Variants in NELL2 observed in about 807,000 individuals in gnomAD.
NELL2 encodes neural EGFL like 2, also known as protein kinase C-binding protein NELL2.
In NELL2, 41 loss-of-function variants were observed where a neutral mutation model predicts 109.6. That is an observed-to-expected ratio of 0.37 (90% CI 0.29 to 0.49). The LOEUF is 0.49. NELL2 is among the 20% of genes least tolerant of loss of function. NELL2 has a pLI of 0.98. For missense variants in NELL2, 900 were observed against 1,008.3 expected (o/e 0.89, Z 1.45); for synonymous variants, 355 against 344.7 (o/e 1.03, Z -0.33).
At position 44,544,269 on chromosome 12, in the gene NELL2, T is replaced by C. The variant is rs542422696; in HGVS notation, c.1664-11548A>G. ...AACAGAGATAAATCTTCATCTATCA[T>C]ACCCAGCATTCTACTGATAATGTCT... On this transcript the variant is annotated intron_variant, in intron 15 of 19. Transcript: ENST00000429094. Among the ~76,000 whole-genome samples, 12 of 152,258 alleles carry C rather than the reference T, an allele frequency of 7.9e-5. No homozygotes were observed. The South Asian group carries it at 2.3e-3, about 29-fold the overall frequency.
chr12:44,657,022 G>T (rs1412753233), intron 13 of NELL2, among the ~76,000 whole-genome samples: 2 of 152,134 alleles, frequency 1.3e-5, no homozygotes, highest in African/African-American at 4.8e-5. Flanking sequence ...TAAACACACA[G>T]AGCAATGTTT....
At chr12:44,606,791 G>A (rs547484970) in intron 15 of NELL2, among the ~76,000 whole-genome samples, 7 of 152,172 alleles carry the variant, frequency 4.6e-5, no homozygotes, top group Admixed American at 2.6e-4. Flanking sequence ...GCAGGTGATA[G>A]TGTGTTCTCG....
chr12:44,645,399 A>T (rs935324671), intron 13 of NELL2, among the ~76,000 whole-genome samples: 1 of 152,216 alleles, frequency 6.6e-6, no homozygotes, highest in Non-Finnish European at 1.5e-5. Flanking sequence ...TGGAAGGGAG[A>T]CAAAGACAAG....
At chr12:44,746,755 T>TG (rs1176464444) in intron 9 of NELL2, among the ~76,000 whole-genome samples, 1 of 152,114 alleles carries the variant, frequency 6.6e-6, no homozygotes, top group Non-Finnish European at 1.5e-5. Flanking sequence ...TGAGATACCA[T>TG]CTCATACCAG....
chr12:44,876,716 G>A (rs978014893), upstream of NELL2: 1 of 1,547,298 alleles, frequency 6.5e-7, no homozygotes, highest in Non-Finnish European at 8.7e-7. Flanking sequence ...AGCAAAGGAG[G>A]GAAGCCCATG....
At chr12:44,649,054 C>T (rs1947207681) in intron 13 of NELL2, among the ~76,000 whole-genome samples, 1 of 151,962 alleles carries the variant, frequency 6.6e-6, no homozygotes, top group Non-Finnish European at 1.5e-5. Flanking sequence ...GCTTGAGCCA[C>T]TGTGCCCGGC....
At chr12:44,624,719 A>T (rs1296154994) in intron 13 of NELL2, among the ~76,000 whole-genome samples, 1 of 152,052 alleles carries the variant, frequency 6.6e-6, no homozygotes, top group African/African-American at 2.4e-5. Flanking sequence ...TAGCTGGCTC[A>T]AGTAGCCTCC....
At chr12:44,534,411 G>C (rs1250575282) in intron 15 of NELL2, among the ~76,000 whole-genome samples, 2 of 152,048 alleles carry the variant, frequency 1.3e-5, no homozygotes, top group Non-Finnish European at 2.9e-5. Context: ...TTTAGAATCA[G>C]TTACTATCGG....
intron 15 of NELL2, among the ~76,000 whole-genome samples, chr12:44,546,781 G>T (rs1010014343): frequency 6.6e-6 from 1 of 152,076 alleles, no homozygotes; most frequent in Admixed American, 6.6e-5. Context: ...AAAGGAAAAG[G>T]TTTTCACTCC....
intron 15 of NELL2, among the ~76,000 whole-genome samples, chr12:44,537,640 C>A (rs1261367280): frequency 6.6e-6 from 1 of 152,048 alleles, no homozygotes; most frequent in East Asian, 1.9e-4. Context: ...AATTAAAGAT[C>A]CCCAAAACAA....
intron 15 of NELL2, among the ~76,000 whole-genome samples, chr12:44,586,239 CT>C (rs1944495321): frequency 6.7e-6 from 1 of 148,210 alleles, no homozygotes; most frequent in Admixed American, 6.8e-5. Context: ...TTGAAAACCA[CT>C]ATTGTAGTGA....
At chr12:44,608,702 A>G (rs545029297) in intron 14 of NELL2, among the ~76,000 whole-genome samples, 4 of 151,952 alleles carry the variant, frequency 2.6e-5, no homozygotes, top group South Asian at 2.1e-4. Flanking sequence ...TGTATCAAGC[A>G]GAAATAAGAG....
At chr12:44,916,019 A>G (rs1357241832), upstream of NELL2, among the ~76,000 whole-genome samples, 1 of 152,224 alleles carries the variant, frequency 6.6e-6, no homozygotes, top group Non-Finnish European at 1.5e-5. Flanking sequence ...ACCACTTTTG[A>G]AAATAGTATT....
rs1941624786 is a variant in NELL2, at chr12:44,523,388, T to A, written c.1901A>T (p.Lys634Met). 6.2e-7 allele frequency: 1 copy of A among 1,614,094 alleles called. No individual in the cohort carries two copies. The highest frequency in any genetic ancestry group is 1.3e-5 in the African/African-American group (1 of 74,934). ...ATGGATGCAGTCCCCTGTGCAATTC[T>A]TTCCATGAGGACATCGACAATCATA... ...GGYDCRCPHG[K>M]NCTGDCIHDG... Residue 634 changes from lysine to methionine, a missense_variant, in exon 17 of 20, where the codon AAG (lysine) becomes ATG (methionine). Lys to Met is a moderately conservative substitution (Grantham distance 95). Around this residue, in one of 4 missense-constraint regions of NELL2, gnomAD observed 333 missense variants for 432.3 expected, o/e 0.77. Coordinates refer to ENST00000429094, the MANE Select transcript of NELL2 (RefSeq NM_001145108.2).
At chr12:44,617,774 G>A (rs904659751) in intron 13 of NELL2, among the ~76,000 whole-genome samples, 5 of 151,044 alleles carry the variant, frequency 3.3e-5, no homozygotes, top group Admixed American at 2.6e-4. Context: ...GCAACAATAA[G>A]GACACTTAAG....
chr12:44,610,831 G>T lies in NELL2; in HGVS notation c.1567+17C>A. On this transcript the variant is annotated intron_variant, in intron 14 of 19. Coordinates refer to ENST00000429094, the MANE Select transcript of NELL2 (RefSeq NM_001145108.2). The stretch of plus-strand genomic sequence containing the variant: ...ATTATACATAATGGAAGAGGCACTG[G>T]CATTTAAACCTTTTACCTTTGCATG... 1 of 1,612,584 alleles carries T rather than the reference G, an allele frequency of 6.2e-7. No homozygotes were observed. Among genetic ancestry groups the T allele is most frequent in the Non-Finnish European group, 8.5e-7 (1 of 1,178,980 alleles).
At chr12:44,575,226 T>G (rs1451648229) in intron 15 of NELL2, among the ~76,000 whole-genome samples, 2 of 152,266 alleles carry the variant, frequency 1.3e-5, no homozygotes, top group East Asian at 3.8e-4. Flanking sequence ...GTGAGCACAA[T>G]GGAACACCAT....
chr12:44,584,644 C>T (rs1944432739), intron 15 of NELL2, among the ~76,000 whole-genome samples: 1 of 152,174 alleles, frequency 6.6e-6, no homozygotes, highest in Admixed American at 6.5e-5. Context: ...TTCATTTATT[C>T]ATGGTTTCTT....
At position 44,557,131 on chromosome 12, in the gene NELL2, T is replaced by C. The variant is rs2136175210; in HGVS notation, c.1664-24410A>G. Among the ~76,000 whole-genome samples, 3 of 152,262 alleles carry C rather than the reference T, an allele frequency of 2.0e-5. No individual in the cohort carries two copies. The South Asian group carries it at 6.2e-4, about 32-fold the overall frequency. On this transcript the variant is annotated intron_variant, in intron 15 of 19. Transcript: ENST00000429094. ...CCACACATCCTTTCTCGTTCTCCCA[T>C]GAAATGTCCTGGTCCCAGCCTTGAA...
Sources: gnomAD v4.1 joint callset for allele counts (sites outside exome capture counted in the v4.1 genomes callset) on GRCh38, gnomAD v4.1.1 for gene constraint, gnomAD v4.1.1 regional missense constraint, MANE v1.5 for transcripts, NCBI Gene and HGNC (gene_info 2026-07-23, HGNC 2026-07-21) for gene names.